Variants in ASAH1 observed in about 807,000 individuals in gnomAD.
The protein encoded by ASAH1 is N-acylsphingosine amidohydrolase 1.
In ASAH1, 70 loss-of-function variants were observed where a neutral mutation model predicts 59.5. The observed-to-expected ratio is 1.18, with a 90% confidence interval of 0.97 to 1.43. The LOEUF (loss-of-function observed/expected upper bound fraction) is 1.43. Among genes scored for constraint, ASAH1 ranks in the 40% most tolerant of loss-of-function variants. The pLI, the probability that ASAH1 is intolerant of heterozygous loss-of-function variation, is 0.00. For missense variants in ASAH1, 660 were observed against 482.5 expected, an observed-to-expected ratio of 1.37 and a Z score of -3.45; for synonymous variants, 213 against 166.5, an observed-to-expected ratio of 1.28 and a Z score of -2.15.
intron 1 of ASAH1, chr8:18,075,826 C>T (rs551495084): frequency 1.8e-6 from 1 of 547,148 alleles, no homozygotes; most frequent in African/African-American, 1.9e-5. Context: ...TAATTTGGCT[C>T]TAATATTTCA....
chr8:18,063,232 T>A lies in ASAH1; in HGVS notation c.458-2A>T. 1 of 1,612,930 alleles carries A rather than the reference T, an allele frequency of 6.2e-7. No individual in the cohort carries two copies. On this transcript the variant is annotated splice_acceptor_variant, in intron 6 of 13. Transcript: ENST00000637790. LOFTEE classifies it high-confidence loss of function. ...TGTTTCTCCCATGTATTAGATGACC[T>A]ATTTGAAGGTAGACAGAAGAGACGT...
chr8:18,084,099 G>A lies in ASAH1; in HGVS notation c.-41C>T, dbSNP rs768560719. 6.3e-7 allele frequency: 1 copy of A among 1,595,820 alleles called. No homozygotes were observed. The highest frequency in any genetic ancestry group is 8.5e-7 in the Non-Finnish European group (1 of 1,178,706). ...CGCCACTCCCCGGACTCCAGCAGAG[G>A]CAAAGAAGAGCCGGCTGGGCCGGGG... is the stretch of plus-strand genomic sequence containing the variant. On this transcript the variant is annotated 5_prime_UTR_variant, in exon 1 of 14. Coordinates refer to ENST00000637790, the MANE Select transcript of ASAH1 (RefSeq NM_177924.5).
At chr8:18,079,046 G>A (rs1284936004) in intron 1 of ASAH1, among the ~76,000 whole-genome samples, 1 of 152,138 alleles carries the variant, frequency 6.6e-6, no homozygotes, top group Non-Finnish European at 1.5e-5. Context: ...GGAGGCTGAG[G>A]TGGGTGGATC....
At position 18,068,618 on chromosome 8, in the gene ASAH1, TGA is replaced by T. The variant is rs1344531708; in HGVS notation, c.303+1172_303+1173del. On this transcript the variant is annotated intron_variant, in intron 4 of 13. Coordinates refer to ENST00000637790, the MANE Select transcript of ASAH1 (RefSeq NM_177924.5). ...TAAGGACATTTTTGGTTGTCACAAC[TGA>T]GGGGGTGTTACCAGCATCCAGTGGG... 5.9e-5 allele frequency: 9 copies of T among 152,230 alleles called. No individual in the cohort carries two copies. In the South Asian group the frequency reaches 1.9e-3, roughly 32 times the overall value. The allele number at this position is 152,230 out of a possible 1,614,324, so 9.4% of individuals were successfully genotyped here.
At chr8:18,077,868 GTTTATCT>G (rs1309592391) in intron 1 of ASAH1, among the ~76,000 whole-genome samples, 2 of 152,082 alleles carry the variant, frequency 1.3e-5, no homozygotes, top group Non-Finnish European at 2.9e-5. Flanking sequence ...ACATTTTCTT[GTTTATCT>G]GACCATTGTT....
At position 18,067,241 on chromosome 8, in the gene ASAH1, C is replaced by T. The variant is rs146531900; in HGVS notation, c.361G>A (p.Ala121Thr). 1.7e-4 allele frequency: 276 copies of T among 1,589,910 alleles called. 1 individual carries two copies. Among genetic ancestry groups the T allele is most frequent in the Non-Finnish European group, 1.9e-4 (217 of 1,165,300 alleles). The change falls in exon 5 of 14, where the codon GCT (alanine) becomes ACT (threonine). Residue 121 changes from alanine (A) to threonine (T), a missense_variant. Transcript: ENST00000637790. ...TTACCTAAAGGTATATCAGTAACAG[C>T]GGCAATACCCTTCATTTCCTCTTCA... is the stretch of plus-strand genomic sequence containing the variant. ...PFEEEMKGIA[A>T]VTDIPLGEII...
rs756054758 is a variant in ASAH1 at position 18,075,637 on chromosome 8, C to CG, written c.79-51dup. 3 of 1,558,888 alleles carry CG rather than the reference C, an allele frequency of 1.9e-6. 1 individual carries two copies. In the South Asian group the frequency reaches 3.3e-5, roughly 17 times the overall value. Reference sequence around the variant, plus strand: ...TCAGAAAATAACAAATGCTTGCCAACGGAATAAGCAATTTCAAAAGTAGTT... The same window carrying CG: ...TCAGAAAATAACAAATGCTTGCCAACGGGAATAAGCAATTTCAAAAGTAGTT... On this transcript the variant is annotated intron_variant, in intron 1 of 13. Transcript: ENST00000637790.
In ASAH1 at chr8:18,059,383, GC is replaced by G; in HGVS notation, c.998del (p.Arg333ProfsTer9). On this transcript the variant is annotated frameshift_variant, in exon 12 of 14. Transcript: ENST00000637790. LOFTEE classifies it high-confidence loss of function. Reference sequence around the variant, plus strand: ...TCAGACACATCTTTGCAGGCGTTCTGCGATCATCAAGGAAGAAGGGATGTTT... The same window carrying G: ...TCAGACACATCTTTGCAGGCGTTCTGGATCATCAAGGAAGAAGGGATGTTT... ...RWKHPFFLDD[R>X]RTPAKMCLNR... 1 of 1,614,208 alleles carries G rather than the reference GC, an allele frequency of 6.2e-7. No homozygotes were observed. The highest frequency in any genetic ancestry group is 1.3e-5 in the African/African-American group (1 of 75,064).
At chr8:18,084,907 G>A, upstream of ASAH1, 1 of 1,497,710 alleles carries the variant, frequency 6.7e-7, no homozygotes, top group Non-Finnish European at 9.0e-7. Context: ...GACTCGCTTG[G>A]CTTTCGTGCC....
chr8:18,074,717 A>G (rs1191854664), intron 2 of ASAH1, among the ~76,000 whole-genome samples: 1 of 152,224 alleles, frequency 6.6e-6, no homozygotes, highest in Non-Finnish European at 1.5e-5. Context: ...ACCAAAATCT[A>G]GACTAAAAAT....
intron 4 of ASAH1, chr8:18,068,344 G>C (rs1309874055): frequency 6.6e-6 from 1 of 152,276 alleles, no homozygotes; most frequent in African/African-American, 2.4e-5. Flanking sequence ...ATTCAGAGTA[G>C]AGGGGAGATT....
intron 2 of ASAH1, among the ~76,000 whole-genome samples, chr8:18,072,290 T>C (rs1291592692): frequency 6.6e-6 from 1 of 152,218 alleles, no homozygotes; most frequent in Non-Finnish European, 1.5e-5. Context: ...TGTGCCACAA[T>C]GATACCAGTC....
chr8:18,058,959 A>G, intron 12 of ASAH1, 68 bp from the exon 13 acceptor site: 1 of 1,364,856 alleles, frequency 7.3e-7, no homozygotes, highest in Non-Finnish European at 1.0e-6. Flanking sequence ...ATCTACACAC[A>G]TGGGCCACCA....
chr8:18,075,445 A>G, intron 2 of ASAH1, 96 bp downstream of exon 2: 6 of 1,285,550 alleles, frequency 4.7e-6, no homozygotes, highest in Non-Finnish European at 6.8e-6. Flanking sequence ...ATGACTTAAG[A>G]TTTTATTCAC....
intron 2 of ASAH1, 81 bp from the exon 3 acceptor site, chr8:18,071,471 GA>G: frequency 1.0e-6 from 1 of 954,470 alleles, no homozygotes; most frequent in Non-Finnish European, 1.6e-6. Flanking sequence ...AAGAATATAT[GA>G]GAGGCAAAGT....
At chr8:18,084,607 G>A (rs1800818744), upstream of ASAH1, 3 of 1,602,562 alleles carry the variant, frequency 1.9e-6, no homozygotes, top group East Asian at 6.7e-5. Flanking sequence ...GGGACAAGGA[G>A]CAGTTGAGTG....
chr8:18,061,497 T>C (rs777769433), intron 9 of ASAH1, 39 bp from the exon 10 acceptor site: 4 of 1,554,554 alleles, frequency 2.6e-6, no homozygotes, highest in Non-Finnish European at 2.7e-6. Context: ...CCGGAAGAGG[T>C]GACACTATGT....
chr8:18,082,109 T>C (rs1028523306), intron 1 of ASAH1, among the ~76,000 whole-genome samples: 1 of 152,248 alleles, frequency 6.6e-6, no homozygotes, highest in Non-Finnish European at 1.5e-5. Flanking sequence ...TAGTTTTGCA[T>C]TCTTATTTTT....
intron 5 of ASAH1, 102 bp downstream of exon 5, chr8:18,067,118 C>A: frequency 3.7e-6 from 2 of 535,192 alleles, no homozygotes; most frequent in Non-Finnish European, 5.1e-6. Flanking sequence ...TGCTGTATAT[C>A]TAAGACATAC....
Sources: gnomAD v4.1 joint callset for allele counts (sites outside exome capture counted in the v4.1 genomes callset) on GRCh38, gnomAD v4.1.1 for gene constraint, MANE v1.5 for transcripts, NCBI Gene and HGNC (gene_info 2026-07-23, HGNC 2026-07-21) for gene names.